Variants in PCDHB6 observed in about 807,000 individuals in gnomAD.
PCDHB6 encodes protocadherin beta-6.
For synonymous variants in PCDHB6, 506 were observed against 459.0 expected (o/e 1.10, Z -1.31); for missense variants, 1,137 against 1,010.1 (o/e 1.13, Z -1.70).
At position 141,152,539 on chromosome 5, in the gene PCDHB6, A is replaced by T; in HGVS notation, c.2282A>T (p.Glu761Val). The T allele has an allele frequency of 6.2e-7, 1 of 1,614,014 alleles. No individual in the cohort carries two copies. Among genetic ancestry groups the T allele is most frequent in the Non-Finnish European group, 8.5e-7 (1 of 1,180,016 alleles). Residue 761 changes from glutamate (E) to valine (V), a missense_variant, in exon 1 of 1, where the codon GAG (glutamate) becomes GTG (valine). Transcript: ENST00000231136. ...VCLTGGSETN[E>V]FKFLKPIMPN... ...CTGACGGGAGGCTCAGAAACAAATG[A>T]GTTCAAGTTCCTGAAGCCGATTATG... is the stretch of plus-strand genomic sequence containing the variant.
rs1554277621 is a variant in PCDHB6, at chr5:141,151,210, A to T, written c.953A>T (p.Glu318Val). The T allele has an allele frequency of 7.4e-6, 12 of 1,614,044 alleles. No homozygotes were observed. Among genetic ancestry groups the T allele is most frequent in the African/African-American group, 1.3e-5 (1 of 74,918 alleles). ...EEIQSYDVDV[E>V]ATDGGGLSGK... ...ATTCAGTCTTATGACGTGGATGTTG[A>T]GGCTACAGATGGTGGAGGCCTATCA... The change falls in exon 1 of 1, where the codon GAG becomes GTG. Residue 318 changes from glutamate to valine, a missense_variant. Physicochemically the swap from Glu to Val is moderately radical, Grantham distance 121. Transcript: ENST00000231136.
At position 141,152,709 on chromosome 5, in the gene PCDHB6, C is replaced by A; in HGVS notation, c.*67C>A. On this transcript the variant is annotated 3_prime_UTR_variant, in exon 1 of 1. Coordinates refer to ENST00000231136, the MANE Select transcript of PCDHB6 (RefSeq NM_018939.4). ...CTCTTTTAACTTAAAGTTACATGGT[C>A]TGTTTCTTGTTTATTTTACCTCTAT... The A allele has an allele frequency of 7.3e-7, 1 of 1,372,500 alleles. No homozygotes were observed. Among genetic ancestry groups the A allele is most frequent in the South Asian group, 1.5e-5 (1 of 67,326 alleles). The allele number at this position is 1,372,500 out of a possible 1,614,324, so 85.0% of individuals were successfully genotyped here. A position where few individuals can be genotyped will look rare whatever the true frequency, so the allele number is the denominator to read the frequency against.
chr5:141,151,119 C>G lies in PCDHB6; in HGVS notation c.862C>G (p.Gln288Glu). 1 of 1,614,220 alleles carries G rather than the reference C, an allele frequency of 6.2e-7. No individual in the cohort carries two copies. The highest frequency in any genetic ancestry group is 8.5e-7 in the Non-Finnish European group (1 of 1,180,036). The change falls in exon 1 of 1, where the codon CAA (glutamine) becomes GAA (glutamate). Residue 288 changes from glutamine to glutamate, a missense_variant. Physicochemically the swap from Gln to Glu is conservative, Grantham distance 29. Transcript: ENST00000231136. ...CCTGTTTCAAGTCGATGACGTCAAC[C>G]AACCCTTCGAAATAAACGCAATCAC... is the stretch of plus-strand genomic sequence containing the variant. Reference protein sequence around the residue: ...YALFQVDDVNQPFEINAITGE... With the variant: ...YALFQVDDVNEPFEINAITGE...
Position 141,150,933 on chromosome 5 carries a change from G to A in PCDHB6, c.676G>A (p.Glu226Lys), listed in dbSNP as rs1752840533. ...GTCTCCGCCCCGGTCAGGGACCTCC[G>A]AGATTCAGATCCAGGTTTTGGACAT... ...GGSPPRSGTS[E>K]IQIQVLDIND... Residue 226 changes from glutamate to lysine, a missense_variant, in exon 1 of 1, where the codon GAG (glutamate) becomes AAG (lysine). Glu to Lys is a moderately conservative substitution (Grantham distance 56). Coordinates refer to ENST00000231136, the MANE Select transcript of PCDHB6 (RefSeq NM_018939.4). The A allele has an allele frequency of 1.2e-6, 2 of 1,614,164 alleles. No homozygotes were observed. The highest frequency in any genetic ancestry group is 1.7e-6 in the Non-Finnish European group (2 of 1,180,020).
In PCDHB6 at chr5:141,150,745, G is replaced by T; in HGVS notation, c.488G>T (p.Ser163Ile). The T allele has an allele frequency of 2.5e-6, 4 of 1,614,164 alleles. No homozygotes were observed. The highest frequency in any genetic ancestry group is 3.4e-6 in the Non-Finnish European group (4 of 1,180,030). ...LKMAHDLDTGSNGLQRYTISS... is the reference protein window; with the variant it reads ...LKMAHDLDTGINGLQRYTISS... Reference sequence around the variant, plus strand: ...ATGGCACACGATTTAGACACCGGCAGCAACGGCCTTCAGAGGTACACAATC... The same window carrying T: ...ATGGCACACGATTTAGACACCGGCATCAACGGCCTTCAGAGGTACACAATC... The change falls in exon 1 of 1, where the codon AGC becomes ATC. Residue 163 changes from serine (S) to isoleucine (I), a missense_variant. Ser to Ile is a moderately radical substitution (Grantham distance 142). Transcript: ENST00000231136.
In PCDHB6 at chr5:141,152,707, G is replaced by A. The variant is rs554838164; in HGVS notation, c.*65G>A. 1 of 1,390,494 alleles carries A rather than the reference G, an allele frequency of 7.2e-7. No homozygotes were observed. Among genetic ancestry groups the A allele is most frequent in the Non-Finnish European group, 9.7e-7 (1 of 1,029,696 alleles). The allele number at this position is 1,390,494 out of a possible 1,614,324, so 86.1% of individuals were successfully genotyped here. A position where few individuals can be genotyped will look rare whatever the true frequency, so the allele number is the denominator to read the frequency against. ...ATCTCTTTTAACTTAAAGTTACATG[G>A]TCTGTTTCTTGTTTATTTTACCTCT... On this transcript the variant is annotated 3_prime_UTR_variant, in exon 1 of 1. Coordinates refer to ENST00000231136, the MANE Select transcript of PCDHB6 (RefSeq NM_018939.4).
rs781991511 is a variant in PCDHB6, at chr5:141,151,203, G to A, written c.946G>A (p.Asp316Asn). 1.2e-6 allele frequency: 2 copies of A among 1,614,168 alleles called. No homozygotes were observed. The highest frequency in any genetic ancestry group is 1.3e-5 in the African/African-American group (1 of 75,054). The stretch of plus-strand genomic sequence containing the variant: ...TGAGGAAATTCAGTCTTATGACGTG[G>A]ATGTTGAGGCTACAGATGGTGGAGG... ...DFEEIQSYDVDVEATDGGGLS... is the reference protein window; with the variant it reads ...DFEEIQSYDVNVEATDGGGLS... Residue 316 changes from aspartate (D) to asparagine (N), a missense_variant, in exon 1 of 1, where the codon GAT becomes AAT. By Grantham distance (23) the Asp-to-Asn change is conservative. Coordinates refer to ENST00000231136, the MANE Select transcript of PCDHB6 (RefSeq NM_018939.4).
Position 141,150,895 on chromosome 5 carries a change from C to A in PCDHB6, c.638C>A (p.Ala213Glu). ...EQPQLRLTLI[A>E]LDGGSPPRSG... ...CCCCAACTCAGGCTAACGCTGATCG[C>A]GCTGGATGGCGGGTCTCCGCCCCGG... The change falls in exon 1 of 1, where the codon GCG becomes GAG. Residue 213 changes from alanine to glutamate, a missense_variant. By Grantham distance (107) the Ala-to-Glu change is moderately radical. Coordinates refer to ENST00000231136, the MANE Select transcript of PCDHB6 (RefSeq NM_018939.4). 1 of 1,614,178 alleles carries A rather than the reference C, an allele frequency of 6.2e-7. No homozygotes were observed. Among genetic ancestry groups the A allele is most frequent in the Non-Finnish European group, 8.5e-7 (1 of 1,180,030 alleles).
rs1554278065 is a variant in PCDHB6 at position 141,152,524 on chromosome 5, G to A, written c.2267G>A (p.Gly756Asp). 6.2e-7 allele frequency: 1 copy of A among 1,614,072 alleles called. No homozygotes were observed. Among genetic ancestry groups the A allele is most frequent in the Admixed American group, 1.7e-5 (1 of 60,026 alleles). ...CAGTACAAGGTGTGTCTGACGGGAG[G>A]CTCAGAAACAAATGAGTTCAAGTTC... Reference protein sequence around the residue: ...SYQYKVCLTGGSETNEFKFLK... With the variant: ...SYQYKVCLTGDSETNEFKFLK... The change falls in exon 1 of 1, where the codon GGC becomes GAC. Residue 756 changes from glycine (G) to aspartate (D), a missense_variant. Physicochemically the swap from Gly to Asp is moderately conservative, Grantham distance 94. Transcript: ENST00000231136.
Position 141,151,364 on chromosome 5 carries a change from A to G in PCDHB6, c.1107A>G (p.Ser369=). 2 of 1,614,178 alleles carry G rather than the reference A, an allele frequency of 1.2e-6. No homozygotes were observed. The highest frequency in any genetic ancestry group is 1.3e-5 in the African/African-American group (1 of 75,058). The change falls in exon 1 of 1, where the codon TCA becomes TCG. Residue 369 remains serine, a synonymous_variant. Coordinates refer to ENST00000231136, the MANE Select transcript of PCDHB6 (RefSeq NM_018939.4). ...TCACAGTGGCAGTTTTCAGTGTTTC[A>G]GATGCAGACTCTGGACATAACCAAC... ...PEITVAVFSV[S]DADSGHNQQV... is the part of the protein sequence containing the mutation.
rs1554277449 is a variant in PCDHB6 at position 141,150,568 on chromosome 5, C to T, written c.311C>T (p.Pro104Leu). 1 of 1,614,192 alleles carries T rather than the reference C, an allele frequency of 6.2e-7. No individual in the cohort carries two copies. Among genetic ancestry groups the T allele is most frequent in the Non-Finnish European group, 8.5e-7 (1 of 1,180,022 alleles). Residue 104 changes from proline to leucine, a missense_variant, in exon 1 of 1, where the codon CCT becomes CTT. By Grantham distance (98) the Pro-to-Leu change is moderately conservative. Transcript: ENST00000231136. ...LCGSTEPCVL[P>L]FQVLLENPLQ... is the part of the protein sequence containing the mutation. Reference sequence around the variant, plus strand: ...GGCTCCACTGAGCCGTGTGTGCTACCTTTCCAAGTGTTACTGGAAAACCCC... The same window carrying T: ...GGCTCCACTGAGCCGTGTGTGCTACTTTTCCAAGTGTTACTGGAAAACCCC...
Position 141,151,983 on chromosome 5 carries a change from C to T in PCDHB6, c.1726C>T (p.Arg576Trp), listed in dbSNP as rs782020721. The T allele has an allele frequency of 2.5e-5, 41 of 1,609,702 alleles. No individual in the cohort carries two copies. The highest frequency in any genetic ancestry group is 3.3e-5 in the South Asian group (3 of 90,958). The change falls in exon 1 of 1, where the codon CGG (arginine) becomes TGG (tryptophan). Residue 576 changes from arginine (R) to tryptophan (W), a missense_variant. By Grantham distance (101) the Arg-to-Trp change is moderately radical. Transcript: ENST00000231136. ...GSAPCTELVP[R>W]AAEPGYLVTK... ...CGCGCCCTGCACCGAGCTGGTGCCC[C>T]GGGCGGCCGAGCCGGGCTACCTGGT...
rs782034039 is a variant in PCDHB6 at position 141,151,005 on chromosome 5, G to A, written c.748G>A (p.Val250Ile). Residue 250 changes from valine to isoleucine, a missense_variant, in exon 1 of 1, where the codon GTC (valine) becomes ATC (isoleucine). Physicochemically the swap from Val to Ile is conservative, Grantham distance 29. Transcript: ENST00000231136. ...EFAQELYEAQ[V>I]PENNPLGSLV... ...TGCTCAGGAGCTCTATGAAGCACAA[G>A]TCCCTGAGAACAACCCCCTCGGCTC... 6.2e-7 allele frequency: 1 copy of A among 1,614,200 alleles called. No individual in the cohort carries two copies. Among genetic ancestry groups the A allele is most frequent in the East Asian group, 2.2e-5 (1 of 44,872 alleles).
At position 141,151,864 on chromosome 5, in the gene PCDHB6, C is replaced by T. The variant is rs1346720482; in HGVS notation, c.1607C>T (p.Ser536Phe). 12 of 1,612,270 alleles carry T rather than the reference C, an allele frequency of 7.4e-6. No individual in the cohort carries two copies. The highest frequency in any genetic ancestry group is 5.0e-5 in the Admixed American group (3 of 60,004). Residue 536 changes from serine (S) to phenylalanine (F), a missense_variant, in exon 1 of 1, where the codon TCC becomes TTC. Transcript: ENST00000231136. ...CGCGTGGGCGCCACAGACCGCGGCT[C>T]CCCGGCGTTGAGCAGCGAGGCGCTG... ...EFRVGATDRG[S>F]PALSSEALVR...
rs782083342 is a variant in PCDHB6, at chr5:141,152,301, G to A, written c.2044G>A (p.Asp682Asn). The A allele has an allele frequency of 6.2e-7, 1 of 1,608,752 alleles. No individual in the cohort carries two copies. The highest frequency in any genetic ancestry group is 8.5e-7 in the Non-Finnish European group (1 of 1,179,806). The change falls in exon 1 of 1, where the codon GAC (aspartate) becomes AAC (asparagine). Residue 682 changes from aspartate (D) to asparagine (N), a missense_variant. Physicochemically the swap from Asp to Asn is conservative, Grantham distance 23 (BLOSUM62 1). Coordinates refer to ENST00000231136, the MANE Select transcript of PCDHB6 (RefSeq NM_018939.4). ...PEAAPAQAQADSLTVYLVVAL... is the reference protein window; with the variant it reads ...PEAAPAQAQANSLTVYLVVAL... ...GGCGGCCCCGGCCCAAGCCCAGGCC[G>A]ACTCTCTCACCGTCTACCTGGTGGT...
rs1318081416 is a variant in PCDHB6 at position 141,150,907 on chromosome 5, G to C, written c.650G>C (p.Gly217Ala). ...CTAACGCTGATCGCGCTGGATGGCG[G>C]GTCTCCGCCCCGGTCAGGGACCTCC... Reference protein sequence around the residue: ...LRLTLIALDGGSPPRSGTSEI... With the variant: ...LRLTLIALDGASPPRSGTSEI... Residue 217 changes from glycine (G) to alanine (A), a missense_variant, in exon 1 of 1, where the codon GGG becomes GCG. Transcript: ENST00000231136. 3.1e-6 allele frequency: 5 copies of C among 1,614,130 alleles called. No individual in the cohort carries two copies. Among genetic ancestry groups the C allele is most frequent in the Non-Finnish European group, 4.2e-6 (5 of 1,180,024 alleles).
In PCDHB6 at chr5:141,152,510, G is replaced by A; in HGVS notation, c.2253G>A (p.Val751=). The A allele has an allele frequency of 6.2e-7, 1 of 1,614,138 alleles. No individual in the cohort carries two copies. Among genetic ancestry groups the A allele is most frequent in the Non-Finnish European group, 8.5e-7 (1 of 1,180,046 alleles). Residue 751 remains valine (V), a synonymous_variant, in exon 1 of 1, where the codon GTG becomes GTA. Transcript: ENST00000231136. The part of the protein sequence containing the change: ...GTLSQSYQYK[V]CLTGGSETNE... ...TATCCCAGAGCTACCAGTACAAGGT[G>A]TGTCTGACGGGAGGCTCAGAAACAA...
In PCDHB6 at chr5:141,152,586, A is replaced by G; in HGVS notation, c.2329A>G (p.Thr777Ala). 6.2e-7 allele frequency: 1 copy of G among 1,612,662 alleles called. No individual in the cohort carries two copies. Among genetic ancestry groups the G allele is most frequent in the Non-Finnish European group, 8.5e-7 (1 of 1,179,130 alleles). ...TATGCCCAACTTCCCTCCTCAGGGCACTGAGAGAGAAATGGAAGAAACCCC... is the reference window on the plus strand; with the variant it reads ...TATGCCCAACTTCCCTCCTCAGGGCGCTGAGAGAGAAATGGAAGAAACCCC... ...PIMPNFPPQG[T>A]EREMEETPTS... The change falls in exon 1 of 1, where the codon ACT (threonine) becomes GCT (alanine). Residue 777 changes from threonine to alanine, a missense_variant. By Grantham distance (58) the Thr-to-Ala change is moderately conservative. Coordinates refer to ENST00000231136, the MANE Select transcript of PCDHB6 (RefSeq NM_018939.4).
Position 141,150,968 on chromosome 5 carries a change from C to T in PCDHB6, c.711C>T (p.Asn237=). The change falls in exon 1 of 1, where the codon AAC becomes AAT. Residue 237 remains asparagine, a synonymous_variant. Coordinates refer to ENST00000231136, the MANE Select transcript of PCDHB6 (RefSeq NM_018939.4). The part of the protein sequence containing the change: ...IQIQVLDIND[N]VPEFAQELYE... ...TCCAGGTTTTGGACATCAATGACAA[C>T]GTCCCCGAGTTTGCTCAGGAGCTCT... The T allele has an allele frequency of 6.2e-7, 1 of 1,614,142 alleles. No homozygotes were observed. Among genetic ancestry groups the T allele is most frequent in the Non-Finnish European group, 8.5e-7 (1 of 1,180,036 alleles).
Sources: gnomAD v4.1 joint callset for allele counts on GRCh38, gnomAD v4.1.1 for gene constraint, MANE v1.5 for transcripts, NCBI Gene and HGNC (gene_info 2026-07-23, HGNC 2026-07-21) for gene names.